SLC16A6: variants seen among roughly 807,000 people sequenced by gnomAD.
The protein encoded by SLC16A6 is monocarboxylate transporter 7.
A neutral mutation model predicts 33.8 loss-of-function variants in SLC16A6; 15 were observed. That is an observed-to-expected ratio of 0.44 (90% confidence interval 0.30 to 0.68). The LOEUF (loss-of-function observed/expected upper bound fraction) is 0.68. Ranked by LOEUF, SLC16A6 falls within the 30% of genes least tolerant of loss-of-function variation. The pLI, the probability that SLC16A6 is intolerant of heterozygous loss-of-function variation, is 0.10. For synonymous variants in SLC16A6, 219 were observed against 248.4 expected (o/e 0.88, Z 1.11); for missense variants, 451 against 661.5 (o/e 0.68, Z 3.49).
intron 3 of SLC16A6, among the ~76,000 whole-genome samples, chr17:68,273,130 T>G (rs1228454193): frequency 6.6e-6 from 1 of 152,168 alleles, no homozygotes; most frequent in Non-Finnish European, 1.5e-5. Flanking sequence ...CAGGAAAAAT[T>G]TAAAGTCTGC....
At position 68,273,948 on chromosome 17, in the gene SLC16A6, C is replaced by T. The variant is rs782053514; in HGVS notation, c.355G>A (p.Val119Ile). The T allele has an allele frequency of 7.4e-6, 12 of 1,614,068 alleles. No individual in the cohort carries two copies. Among genetic ancestry groups the T allele is most frequent in the South Asian group, 4.4e-5 (4 of 91,084 alleles). The change falls in exon 3 of 6, where the codon GTC (valine) becomes ATC (isoleucine). Residue 119 changes from valine (V) to isoleucine (I), a missense_variant. Around this residue, in one of 2 missense-constraint regions of SLC16A6, gnomAD observed 405 missense variants for 510.7 expected, o/e 0.79. Coordinates refer to ENST00000580666, the MANE Select transcript of SLC16A6 (RefSeq NM_004694.5). ...SFSQEVSHMY[V>I]AIGIISGLGY... is the part of the protein sequence containing the mutation. The stretch of plus-strand genomic sequence containing the variant: ...TTACCAGAGATGATGCCGATGGCGA[C>T]GTACATATGAGAAACCTCTTGTGAG...
chr17:68,288,471 C>T (rs943516527), intron 1 of SLC16A6, among the ~76,000 whole-genome samples: 24 of 152,102 alleles, frequency 1.6e-4, no homozygotes, highest in Admixed American at 2.0e-4. Context: ...ATTTATCTGA[C>T]GGGTAGGGAT....
rs1371553472 is a variant in SLC16A6, at chr17:68,271,794, GTACTCAATCTTTATTTATT to G, written c.506-159_506-141del. On this transcript the variant is annotated intron_variant, in intron 4 of 5. Transcript: ENST00000580666. The surrounding 1 kb of genome is among the most constrained non-coding windows in gnomAD (Gnocchi z 5.3). Reference sequence around the variant, plus strand: ...ATTTATTATACTCAGCAGTATGAATGTACTCAATCTTTATTTATTTACTTTTTGAGACAGAGTCTCACTC... The same window carrying G: ...ATTTATTATACTCAGCAGTATGAATGTACTTTTTGAGACAGAGTCTCACTC... 2 of 660,282 alleles carry G rather than the reference GTACTCAATCTTTATTTATT, an allele frequency of 3.0e-6. No individual in the cohort carries two copies. The highest frequency in any genetic ancestry group is 5.2e-6 in the Non-Finnish European group (2 of 385,854). The allele number at this position is 660,282 out of a possible 1,614,324, so 40.9% of individuals were successfully genotyped here. A position where few individuals can be genotyped will look rare whatever the true frequency, so the allele number is the denominator to read the frequency against.
At chr17:68,269,728 C>T (rs532762782) in intron 5 of SLC16A6, among the ~76,000 whole-genome samples, 8 of 127,604 alleles carry the variant, frequency 6.3e-5, no homozygotes, top group African/African-American at 1.7e-4. Flanking sequence ...AGGTGGAGTG[C>T]GATGGTGCAA....
chr17:68,282,685 T>C (rs1490078727), intron 1 of SLC16A6, among the ~76,000 whole-genome samples: 1 of 149,280 alleles, frequency 6.7e-6, no homozygotes, highest in African/African-American at 2.5e-5. Context: ...GGCTCATGCC[T>C]GTAATCCCAG....
At chr17:68,277,983 T>TA (rs1555751534) in intron 2 of SLC16A6, 106 bp downstream of exon 2, 1 of 717,346 alleles carries the variant, frequency 1.4e-6, no homozygotes, top group Non-Finnish European at 2.3e-6. Context: ...CCAACAGGCG[T>TA]ATAAGGGAAT....
chr17:68,288,006 T>TG (rs1568420585), intron 1 of SLC16A6, among the ~76,000 whole-genome samples: 2 of 147,836 alleles, frequency 1.4e-5, no homozygotes, highest in Admixed American at 6.7e-5. Context: ...TTTTTTTTTT[T>TG]GGGGGTTGGG....
chr17:68,268,585 TA>T lies in SLC16A6; in HGVS notation c.*510del. 1 of 152,616 alleles carries T rather than the reference TA, an allele frequency of 6.6e-6. No homozygotes were observed. The highest frequency in any genetic ancestry group is 1.9e-4 in the East Asian group (1 of 5,188). The allele number at this position is 152,616 out of a possible 1,614,324, so 9.5% of individuals were successfully genotyped here. A position where few individuals can be genotyped will look rare whatever the true frequency, so the allele number is the denominator to read the frequency against. On this transcript the variant is annotated 3_prime_UTR_variant, in exon 6 of 6. Coordinates refer to ENST00000580666, the MANE Select transcript of SLC16A6 (RefSeq NM_004694.5). ...ACTATTTATTCATATTTCTGAAAAT[TA>T]GGAATTTTAAAAATGATTGAAGTCT...
At chr17:68,287,573 C>G (rs1237253979) in intron 1 of SLC16A6, among the ~76,000 whole-genome samples, 1 of 152,096 alleles carries the variant, frequency 6.6e-6, no homozygotes, top group African/African-American at 2.4e-5. Flanking sequence ...CTAGCTAGAG[C>G]CACATATAAC....
intron 1 of SLC16A6, 85 bp from the exon 2 acceptor site, chr17:68,278,412 G>T: frequency 1.3e-6 from 1 of 765,886 alleles, no homozygotes; most frequent in Non-Finnish European, 2.2e-6. Flanking sequence ...CAACAGATAA[G>T]AACTACTTAC....
intron 1 of SLC16A6, among the ~76,000 whole-genome samples, chr17:68,279,457 C>T (rs1190550447): frequency 2.6e-5 from 4 of 152,100 alleles, no homozygotes; most frequent in African/African-American, 9.7e-5. Flanking sequence ...GTTTGTTAAG[C>T]AGGAGTAATT....
At chr17:68,275,875 C>T (rs1388971187) in intron 2 of SLC16A6, among the ~76,000 whole-genome samples, 4 of 151,154 alleles carry the variant, frequency 2.6e-5, no homozygotes, top group East Asian at 2.0e-4. Context: ...CCCAGCTACT[C>T]GGGAGGCTAA....
chr17:68,279,408 T>C (rs781798138), intron 1 of SLC16A6, among the ~76,000 whole-genome samples: 2 of 152,140 alleles, frequency 1.3e-5, no homozygotes, highest in Non-Finnish European at 2.9e-5. Flanking sequence ...AGACACAATG[T>C]CACTATAAAT....
chr17:68,269,705 T>G (rs2075274338), intron 5 of SLC16A6, among the ~76,000 whole-genome samples: 2 of 73,356 alleles, frequency 2.7e-5, no homozygotes. Flanking sequence ...CAGAGTTTTA[T>G]TCTTGTTGCC....
intron 1 of SLC16A6, among the ~76,000 whole-genome samples, chr17:68,284,349 G>A (rs534842165): frequency 1.3e-5 from 2 of 151,862 alleles, no homozygotes; most frequent in East Asian, 1.9e-4. Flanking sequence ...AGCCAAGATC[G>A]TGCCACTGCA....
intron 2 of SLC16A6, among the ~76,000 whole-genome samples, chr17:68,276,199 T>G (rs1273067379): frequency 6.6e-6 from 1 of 151,524 alleles, no homozygotes; most frequent in Non-Finnish European, 1.5e-5. Context: ...GATCAAGTGA[T>G]TCTCCTGCCT....
At chr17:68,285,777 T>C (rs2075826972) in intron 1 of SLC16A6, 1 of 152,160 alleles carries the variant, frequency 6.6e-6, no homozygotes, top group Non-Finnish European at 1.5e-5. Flanking sequence ...TTTTTTTTTT[T>C]TTAATTTATG....
chr17:68,278,747 G>A (rs1426774630), intron 1 of SLC16A6, among the ~76,000 whole-genome samples: 1 of 151,376 alleles, frequency 6.6e-6, no homozygotes, highest in Non-Finnish European at 1.5e-5. Context: ...AGCCTCCCGA[G>A]TAGCTGGGAT....
Position 68,271,120 on chromosome 17 carries a change from G to A in SLC16A6, c.1040C>T (p.Ala347Val). 2 of 1,614,170 alleles carry A rather than the reference G, an allele frequency of 1.2e-6. No homozygotes were observed. Among genetic ancestry groups the A allele is most frequent in the Non-Finnish European group, 1.7e-6 (2 of 1,180,044 alleles). ...GGGCTCCCTGTTGAGGACAAAACCA[G>A]CTCCGATCCTTCCGAAAACTTCTGC... ...AIAEVFGRIG[A>V]GFVLNREPIR... The change falls in exon 5 of 6, where the codon GCT (alanine) becomes GTT (valine). Residue 347 changes from alanine to valine, a missense_variant. Transcript: ENST00000580666. The surrounding 1 kb of genome is among the most constrained non-coding windows in gnomAD (Gnocchi z 5.3).
Sources: allele counts gnomAD v4.1 joint callset (sites outside exome capture counted in the v4.1 genomes callset), GRCh38; gene constraint gnomAD v4.1.1; regional missense constraint gnomAD v4.1.1; non-coding constraint Gnocchi (gnomAD v3.1); transcripts MANE v1.5; gene names NCBI Gene and HGNC (gene_info 2026-07-23, HGNC 2026-07-21).